The following NKX2-4 variants were observed in gnomAD, a reference collection of about 807,000 sequenced individuals.
The protein encoded by NKX2-4 is homeobox protein Nkx-2.4.
In NKX2-4, 6 loss-of-function variants were observed where a neutral mutation model predicts 8.6. The observed-to-expected ratio is 0.70, with a 90% CI of 0.38 to 1.38. The LOEUF (loss-of-function observed/expected upper bound fraction) is 1.38, where lower values mean the gene tolerates loss of function less well. Among genes scored for constraint, NKX2-4 ranks in the 40% most tolerant of loss-of-function variants. The pLI is 0.02. For synonymous variants in NKX2-4, 299 were observed against 272.6 expected, an observed-to-expected ratio of 1.10 and a Z score of -0.95; for missense variants, 601 against 548.4, an observed-to-expected ratio of 1.10 and a Z score of -0.96.
Position 21,396,236 on chromosome 20 carries a change from T to C in NKX2-4, c.740A>G (p.Gln247Arg), listed in dbSNP as rs755254863. Reference protein sequence around the residue: ...FQNHRYKMKRQAKDKAAQQLQ... With the variant: ...FQNHRYKMKRRAKDKAAQQLQ... Reference sequence around the variant, plus strand: ...CTGCTGCGCCGCCTTGTCCTTGGCCTGCCGTTTCATCTTGTACCGGTGGTT... The same window carrying C: ...CTGCTGCGCCGCCTTGTCCTTGGCCCGCCGTTTCATCTTGTACCGGTGGTT... Residue 247 changes from glutamine to arginine, a missense_variant, in exon 2 of 2, where the codon CAG (glutamine) becomes CGG (arginine). By Grantham distance (43) the Gln-to-Arg change is conservative. Transcript: ENST00000351817. 1.9e-5 allele frequency: 31 copies of C among 1,599,158 alleles called. No individual in the cohort carries two copies. In the South Asian group the frequency reaches 2.5e-4, roughly 13 times the overall value.
intron 1 of NKX2-4, 83 bp downstream of exon 1, chr20:21,396,875 C>G: frequency 1.7e-6 from 2 of 1,194,790 alleles, no homozygotes; most frequent in Non-Finnish European, 2.1e-6. Context: ...GCCGCGCGCA[C>G]CCCGTCCCGC....
Position 21,395,986 on chromosome 20 carries a change from C to T in NKX2-4, c.990G>A (p.Ala330=). ...ACTCCCCGGCGGCCGCGTCCAGGGC[C>T]GCCAGGCCGCCCCCCGGGCCGTGCA... ...PALHGPGGGL[A]ALDAAAGEYS... is the part of the protein sequence containing the mutation. Residue 330 remains alanine, a synonymous_variant, in exon 2 of 2, where the codon GCG becomes GCA. Transcript: ENST00000351817. 7.9e-7 allele frequency: 1 copy of T among 1,270,472 alleles called. No homozygotes were observed. Among genetic ancestry groups the T allele is most frequent in the Non-Finnish European group, 9.9e-7 (1 of 1,009,786 alleles). 78.7% of individuals were successfully genotyped at this position (1,270,472 alleles called of 1,614,324 possible).
rs1251329353 is a variant in NKX2-4 at position 21,396,126 on chromosome 20, C to A, written c.850G>T (p.Gly284Cys). ...CTGGCGCCGTTCTGGCACGGCTTGCCGTCCTTGACCAGCACAGGCACCGCC... is the reference window on the plus strand; with the variant it reads ...CTGGCGCCGTTCTGGCACGGCTTGCAGTCCTTGACCAGCACAGGCACCGCC... ...RVAVPVLVKD[G>C]KPCQNGASTP... The change falls in exon 2 of 2, where the codon GGC becomes TGC. Residue 284 changes from glycine (G) to cysteine (C), a missense_variant. Physicochemically the swap from Gly to Cys is radical, Grantham distance 159 (BLOSUM62 -3). Coordinates refer to ENST00000351817, the MANE Select transcript of NKX2-4 (RefSeq NM_033176.2). The A allele has an allele frequency of 2.1e-6, 3 of 1,421,348 alleles. No individual in the cohort carries two copies. The highest frequency in any genetic ancestry group is 2.7e-6 in the Non-Finnish European group (3 of 1,093,054). The allele number at this position is 1,421,348 out of a possible 1,614,324, so 88.0% of individuals were successfully genotyped here. A position where few individuals can be genotyped will look rare whatever the true frequency, so the allele number is the denominator to read the frequency against.
rs2079722684 is a variant in NKX2-4, at chr20:21,395,457, C to T, written c.*454G>A. On this transcript the variant is annotated 3_prime_UTR_variant, in exon 2 of 2. Transcript: ENST00000351817. ...GTATGATCCACCTTGAGCTACACTT[C>T]AATTTACTTTCAATCAAACATTAAT... The T allele has an allele frequency of 6.6e-6, 1 of 152,632 alleles. No individual in the cohort carries two copies. Among genetic ancestry groups the T allele is most frequent in the Admixed American group, 6.5e-5 (1 of 15,282 alleles). The allele number at this position is 152,632 out of a possible 1,614,324, so 9.5% of individuals were successfully genotyped here. A position where few individuals can be genotyped will look rare whatever the true frequency, so the allele number is the denominator to read the frequency against.
chr20:21,397,298 C>T lies in NKX2-4; in HGVS notation c.102G>A (p.Ala34=). Residue 34 remains alanine, a synonymous_variant, in exon 1 of 2, where the codon GCG becomes GCA. Coordinates refer to ENST00000351817, the MANE Select transcript of NKX2-4 (RefSeq NM_033176.2). The stretch of plus-strand genomic sequence containing the variant: ...CCAGGGGCGCCCCCAGGCCGGGTGG[C>T]GCGCCGTCCATGGCGCCGCTGAACT... ...YKKFSGAMDG[A]PPGLGAPLGA... 2.3e-6 allele frequency: 3 copies of T among 1,315,106 alleles called. No homozygotes were observed. Among genetic ancestry groups the T allele is most frequent in the Non-Finnish European group, 2.9e-6 (3 of 1,036,136 alleles). 81.5% of individuals were successfully genotyped at this position (1,315,106 alleles called of 1,614,324 possible).
In NKX2-4 at chr20:21,395,779, T is replaced by TC. The variant is rs2039010445; in HGVS notation, c.*131dup. 1.3e-6 allele frequency: 1 copy of TC among 763,200 alleles called. No homozygotes were observed. Among genetic ancestry groups the TC allele is most frequent in the Non-Finnish European group, 1.8e-6 (1 of 545,128 alleles). 47.3% of individuals were successfully genotyped at this position (763,200 alleles called of 1,614,324 possible). A position where few individuals can be genotyped will look rare whatever the true frequency, so the allele number is the denominator to read the frequency against. ...GCAAGAGGTTCACAGCCTGCTCCTC[T>TC]CTGAGACCGGTTCGTTTTGAATCGC... is the stretch of plus-strand genomic sequence containing the variant. On this transcript the variant is annotated 3_prime_UTR_variant, in exon 2 of 2. Transcript: ENST00000351817.
Position 21,396,991 on chromosome 20 carries a change from A to G in NKX2-4, c.409T>C (p.Tyr137His). The change falls in exon 1 of 2, where the codon TAC (tyrosine) becomes CAC (histidine). Residue 137 changes from tyrosine (Y) to histidine (H), a missense_variant. Tyr to His is a moderately conservative substitution (Grantham distance 83, BLOSUM62 2). Coordinates refer to ENST00000351817, the MANE Select transcript of NKX2-4 (RefSeq NM_033176.2). ...TAGCGTGGGTCCGGGTTGGCGCCGTACCAGCCGGTGGCCGCGCCGCCCCGC... is the reference window on the plus strand; with the variant it reads ...TAGCGTGGGTCCGGGTTGGCGCCGTGCCAGCCGGTGGCCGCGCCGCCCCGC... ...GMRGGAATGW[Y>H]GANPDPRYSS... is the part of the protein sequence containing the mutation. The G allele has an allele frequency of 6.8e-7, 1 of 1,472,700 alleles. No homozygotes were observed. Among genetic ancestry groups the G allele is most frequent in the Non-Finnish European group, 9.0e-7 (1 of 1,116,554 alleles). The allele number at this position is 1,472,700 out of a possible 1,614,324, so 91.2% of individuals were successfully genotyped here.
At chr20:21,396,729 C>G (rs982777448) in intron 1 of NKX2-4, among the ~76,000 whole-genome samples, 196 bp from the exon 2 acceptor site, 6 of 151,294 alleles carry the variant, frequency 4.0e-5, no homozygotes, top group Non-Finnish European at 8.9e-5. Flanking sequence ...ACGCCCTCAA[C>G]GGGTCCCAGG....
In NKX2-4 at chr20:21,395,801, T is replaced by A. The variant is rs2122396249; in HGVS notation, c.*110A>T. ...CTCTCTGAGACCGGTTCGTTTTGAA[T>A]CGCAGTTTACACGCGCGAGTCGGTT... On this transcript the variant is annotated 3_prime_UTR_variant, in exon 2 of 2. Coordinates refer to ENST00000351817, the MANE Select transcript of NKX2-4 (RefSeq NM_033176.2). The A allele has an allele frequency of 1.0e-6, 1 of 975,078 alleles. No individual in the cohort carries two copies. Among genetic ancestry groups the A allele is most frequent in the African/African-American group, 1.7e-5 (1 of 59,846 alleles). 60.4% of individuals were successfully genotyped at this position (975,078 alleles called of 1,614,324 possible).
chr20:21,395,747 G>A lies in NKX2-4; in HGVS notation c.*164C>T. 2 of 507,332 alleles carry A rather than the reference G, an allele frequency of 3.9e-6. No individual in the cohort carries two copies. The highest frequency in any genetic ancestry group is 3.1e-6 in the Non-Finnish European group (1 of 324,508). 31.4% of individuals were successfully genotyped at this position (507,332 alleles called of 1,614,324 possible). A position where few individuals can be genotyped will look rare whatever the true frequency, so the allele number is the denominator to read the frequency against. ...GGTTTCCGGGCTGTCGCTGTCCCCCGCCCCCAGCAAGAGGTTCACAGCCTG... is the reference window on the plus strand; with the variant it reads ...GGTTTCCGGGCTGTCGCTGTCCCCCACCCCCAGCAAGAGGTTCACAGCCTG... On this transcript the variant is annotated 3_prime_UTR_variant, in exon 2 of 2. Transcript: ENST00000351817.
At chr20:21,396,864 A>G (rs2039028949) in intron 1 of NKX2-4, 94 bp downstream of exon 1, 1 of 1,135,474 alleles carries the variant, frequency 8.8e-7, no homozygotes, top group Middle Eastern at 3.3e-4. Flanking sequence ...GGACCTCCTA[A>G]GCCGCGCGCA....
chr20:21,397,045 C>T lies in NKX2-4; in HGVS notation c.355G>A (p.Gly119Ser), dbSNP rs1467708359. 17 of 1,443,198 alleles carry T rather than the reference C, an allele frequency of 1.2e-5. No individual in the cohort carries two copies. The highest frequency in any genetic ancestry group is 1.5e-5 in the Non-Finnish European group (16 of 1,097,942). 89.4% of individuals were successfully genotyped at this position (1,443,198 alleles called of 1,614,324 possible). Residue 119 changes from glycine to serine, a missense_variant, in exon 1 of 2, where the codon GGC (glycine) becomes AGC (serine). Physicochemically the swap from Gly to Ser is moderately conservative, Grantham distance 56. Transcript: ENST00000351817. Reference protein sequence around the residue: ...SYCNGGLGNMGELPAYTDGMR... With the variant: ...SYCNGGLGNMSELPAYTDGMR... ...CCGTCCGTGTAGGCGGGCAGCTCGC[C>T]CATGTTGCCCAGGCCGCCGTTGCAG...
In NKX2-4 at chr20:21,396,065, G is replaced by T; in HGVS notation, c.911C>A (p.Pro304Gln). Reference protein sequence around the residue: ...PTPGQAGPQPPAPTPAPELEE... With the variant: ...PTPGQAGPQPQAPTPAPELEE... ...CAGCTCAGGTGCTGGCGTCGGGGCC[G>T]GCGGCTGCGGACCGGCCTGGCCGGG... Residue 304 changes from proline (P) to glutamine (Q), a missense_variant, in exon 2 of 2, where the codon CCG (proline) becomes CAG (glutamine). Physicochemically the swap from Pro to Gln is moderately conservative, Grantham distance 76. Transcript: ENST00000351817. 7.9e-7 allele frequency: 1 copy of T among 1,273,406 alleles called. No individual in the cohort carries two copies. The allele number at this position is 1,273,406 out of a possible 1,614,324, so 78.9% of individuals were successfully genotyped here. A position where few individuals can be genotyped will look rare whatever the true frequency, so the allele number is the denominator to read the frequency against.
Position 21,395,770 on chromosome 20 carries a change from C to G in NKX2-4, c.*141G>C. 1 of 670,462 alleles carries G rather than the reference C, an allele frequency of 1.5e-6. No individual in the cohort carries two copies. 41.5% of individuals were successfully genotyped at this position (670,462 alleles called of 1,614,324 possible). A position where few individuals can be genotyped will look rare whatever the true frequency, so the allele number is the denominator to read the frequency against. ...CCGCCCCCAGCAAGAGGTTCACAGC[C>G]TGCTCCTCTCTGAGACCGGTTCGTT... is the stretch of plus-strand genomic sequence containing the variant. On this transcript the variant is annotated 3_prime_UTR_variant, in exon 2 of 2. Coordinates refer to ENST00000351817, the MANE Select transcript of NKX2-4 (RefSeq NM_033176.2).
At position 21,397,068 on chromosome 20, in the gene NKX2-4, C is replaced by G. The variant is rs1396670245; in HGVS notation, c.332G>C (p.Cys111Ser). ...GCCCATGTTGCCCAGGCCGCCGTTG[C>G]AGTAGCTGCCCATGGCGCCGTGCGG... is the stretch of plus-strand genomic sequence containing the variant. The part of the protein sequence containing the change: ...QFPHGAMGSY[C>S]NGGLGNMGEL... The change falls in exon 1 of 2, where the codon TGC becomes TCC. Residue 111 changes from cysteine to serine, a missense_variant. Physicochemically the swap from Cys to Ser is moderately radical, Grantham distance 112. Coordinates refer to ENST00000351817, the MANE Select transcript of NKX2-4 (RefSeq NM_033176.2). 2 of 1,429,194 alleles carry G rather than the reference C, an allele frequency of 1.4e-6. No homozygotes were observed. The highest frequency in any genetic ancestry group is 5.0e-5 in the Admixed American group (2 of 40,108). 88.5% of individuals were successfully genotyped at this position (1,429,194 alleles called of 1,614,324 possible).
Position 21,396,848 on chromosome 20 carries a change from G to T in NKX2-4, c.442+110C>A, listed in dbSNP as rs962665143. On this transcript the variant is annotated intron_variant, in intron 1 of 1. Coordinates refer to ENST00000351817, the MANE Select transcript of NKX2-4 (RefSeq NM_033176.2). The stretch of plus-strand genomic sequence containing the variant: ...CCAGGACGCCCCGCGCGCCCGCTCG[G>T]CCCCAGGACCTCCTAAGCCGCGCGC... 11 of 1,015,970 alleles carry T rather than the reference G, an allele frequency of 1.1e-5. No homozygotes were observed. In the Admixed American group the frequency reaches 4.5e-4, roughly 41 times the overall value. 62.9% of individuals were successfully genotyped at this position (1,015,970 alleles called of 1,614,324 possible).
At position 21,395,645 on chromosome 20, in the gene NKX2-4, C is replaced by T. The variant is rs918266423; in HGVS notation, c.*266G>A. 6 of 299,768 alleles carry T rather than the reference C, an allele frequency of 2.0e-5. No individual in the cohort carries two copies. Among genetic ancestry groups the T allele is most frequent in the African/African-American group, 1.1e-4 (5 of 45,868 alleles). 18.6% of individuals were successfully genotyped at this position (299,768 alleles called of 1,614,324 possible). ...AAGAATGCCGTGTGAACTTCTCCAC[C>T]TTTTCGCGTCATTTAAGAACTTCTA... On this transcript the variant is annotated 3_prime_UTR_variant, in exon 2 of 2. Transcript: ENST00000351817.
Position 21,397,436 on chromosome 20 carries a change from C to A in NKX2-4, c.-37G>T. 2 of 1,288,850 alleles carry A rather than the reference C, an allele frequency of 1.6e-6. No homozygotes were observed. The highest frequency in any genetic ancestry group is 2.5e-5 in the South Asian group (1 of 39,566). 79.8% of individuals were successfully genotyped at this position (1,288,850 alleles called of 1,614,324 possible). On this transcript the variant is annotated 5_prime_UTR_variant, in exon 1 of 2. Transcript: ENST00000351817. Reference sequence around the variant, plus strand: ...CAGCCAGGTAGGGGGGCCTGGGGCGCGCGCCGGCAGGACGCGGCGGCCGCT... The same window carrying A: ...CAGCCAGGTAGGGGGGCCTGGGGCGAGCGCCGGCAGGACGCGGCGGCCGCT...
Position 21,397,482 on chromosome 20 carries a change from C to G in NKX2-4, c.-83G>C, listed in dbSNP as rs1482204820. On this transcript the variant is annotated 5_prime_UTR_variant, in exon 1 of 2. Transcript: ENST00000351817. ...CCGCTCGTCGCCGCCACCTCGGCCGCGGCAGCTGAGCCTGTGACGAGGAGT... is the reference window on the plus strand; with the variant it reads ...CCGCTCGTCGCCGCCACCTCGGCCGGGGCAGCTGAGCCTGTGACGAGGAGT... The G allele has an allele frequency of 8.2e-7, 1 of 1,224,582 alleles. No individual in the cohort carries two copies. Among genetic ancestry groups the G allele is most frequent in the East Asian group, 3.6e-5 (1 of 28,092 alleles). 75.9% of individuals were successfully genotyped at this position (1,224,582 alleles called of 1,614,324 possible). A position where few individuals can be genotyped will look rare whatever the true frequency, so the allele number is the denominator to read the frequency against.
Sources: allele counts gnomAD v4.1 joint callset (sites outside exome capture counted in the v4.1 genomes callset), GRCh38; gene constraint gnomAD v4.1.1; transcripts MANE v1.5; gene names NCBI Gene and HGNC (gene_info 2026-07-23, HGNC 2026-07-21).